Variants in SUPT3H observed in about 807,000 individuals in gnomAD.
SUPT3H encodes SPT3 homolog, SAGA and STAGA complex component.
In SUPT3H, 44 loss-of-function variants were observed where a neutral mutation model predicts 44.3. The ratio of observed to expected loss-of-function variants is 0.99; its 90% CI spans 0.78 to 1.28. SUPT3H has a LOEUF of 1.28. SUPT3H is among the 50% of genes most tolerant of loss of function. SUPT3H has a pLI of 0.00. For synonymous variants in SUPT3H, 124 were observed against 125.6 expected, an observed-to-expected ratio of 0.99 and a Z score of 0.09; for missense variants, 380 against 387.1, an observed-to-expected ratio of 0.98 and a Z score of 0.15.
Position 45,090,656 on chromosome 6 carries a change from AC to A in SUPT3H, c.186+15265del, listed in dbSNP as rs1797020138. ...TACTAAATATAATGTACTCATTGAAACCGTATTCTTATCAGTGAAATCAAAT... is the reference window on the plus strand; with the variant it reads ...TACTAAATATAATGTACTCATTGAAACGTATTCTTATCAGTGAAATCAAAT... On this transcript the variant is annotated intron_variant, in intron 3 of 10. Coordinates refer to ENST00000371459, the MANE Select transcript of SUPT3H (RefSeq NM_003599.4). 4.6e-5 allele frequency among the ~76,000 whole-genome samples: 7 copies of A among 152,086 alleles called. No homozygotes were observed. In the South Asian group the frequency reaches 1.5e-3, roughly 32 times the overall value.
chr6:45,238,267 T>C (rs1157426244), intron 2 of SUPT3H, among the ~76,000 whole-genome samples: 3 of 152,206 alleles, frequency 2.0e-5, no homozygotes, highest in Non-Finnish European at 2.9e-5. Flanking sequence ...TTATAGCTCC[T>C]GACAAAATTC....
Position 44,987,255 on chromosome 6 carries a change from G to C in SUPT3H, c.504+16398C>G, listed in dbSNP as rs908278785. Among the ~76,000 whole-genome samples, 3 of 136,614 alleles carry C rather than the reference G, an allele frequency of 2.2e-5. No homozygotes were observed. In the South Asian group the frequency reaches 7.7e-4, roughly 35 times the overall value. The allele number at this position is 136,614 out of a possible 152,430, so 89.6% of individuals were successfully genotyped here. ...CCCATCTCCAAATACCATCACACTG[G>C]GCATTGGGAGTCAGGGCTTCAACAT... On this transcript the variant is annotated intron_variant, in intron 6 of 10. Transcript: ENST00000371459.
intron 3 of SUPT3H, among the ~76,000 whole-genome samples, chr6:45,077,720 A>C (rs949856432): frequency 1.3e-5 from 2 of 151,480 alleles, no homozygotes; most frequent in Non-Finnish European, 2.9e-5. Flanking sequence ...ATTTCTACTT[A>C]TAGTGTCACA....
intron 4 of SUPT3H, among the ~76,000 whole-genome samples, chr6:45,015,537 G>A (rs1201215547): frequency 2.0e-5 from 3 of 151,798 alleles, no homozygotes; most frequent in Non-Finnish European, 4.4e-5. Flanking sequence ...GTACACTTAG[G>A]CTACACTACA....
intron 2 of SUPT3H, among the ~76,000 whole-genome samples, chr6:45,134,730 A>C (rs1804006956): frequency 6.6e-6 from 1 of 152,212 alleles, no homozygotes; most frequent in Non-Finnish European, 1.5e-5. Context: ...GGAAAACAAC[A>C]TTAAGTCTTA....
chr6:45,117,470 T>TA (rs1229955213), intron 2 of SUPT3H, among the ~76,000 whole-genome samples: 1 of 152,146 alleles, frequency 6.6e-6, no homozygotes, highest in African/African-American at 2.4e-5. Flanking sequence ...TCCAAAATTT[T>TA]TCTTGAGATT....
At chr6:45,108,859 A>G (rs1252352599) in intron 2 of SUPT3H, among the ~76,000 whole-genome samples, 8 of 152,128 alleles carry the variant, frequency 5.3e-5, no homozygotes, top group Non-Finnish European at 1.5e-5. Flanking sequence ...CTAAAACTAT[A>G]AAAGTATTGG....
chr6:45,278,860 T>A (rs1227303817), intron 2 of SUPT3H, among the ~76,000 whole-genome samples: 2 of 152,064 alleles, frequency 1.3e-5, no homozygotes, highest in Non-Finnish European at 2.9e-5. Context: ...TATTCATGAA[T>A]AAGACAATAA....
At chr6:45,312,178 A>T (rs903290532) in intron 2 of SUPT3H, among the ~76,000 whole-genome samples, 2 of 152,268 alleles carry the variant, frequency 1.3e-5, no homozygotes, top group African/African-American at 4.8e-5. Flanking sequence ...AGCAATTCTT[A>T]TATCAGACAA....
intron 2 of SUPT3H, among the ~76,000 whole-genome samples, chr6:45,231,440 G>A (rs955638028): frequency 2.0e-5 from 3 of 152,138 alleles, no homozygotes; most frequent in Admixed American, 2.0e-4. Flanking sequence ...TGACCTGTAA[G>A]GTTTCTACTG....
chr6:44,860,786 C>T (rs187561146), intron 10 of SUPT3H, among the ~76,000 whole-genome samples: 45 of 152,140 alleles, frequency 3.0e-4, no homozygotes, highest in Non-Finnish European at 5.9e-5. Context: ...GGACTAGAAA[C>T]CAATTCTAAA....
chr6:44,865,854 G>A (rs1223469546), intron 10 of SUPT3H, among the ~76,000 whole-genome samples: 1 of 152,092 alleles, frequency 6.6e-6, no homozygotes, highest in African/African-American at 2.4e-5. Flanking sequence ...CTGTAAAAGG[G>A]CAGTAACAAT....
At chr6:45,018,514 A>T (rs1294846827) in intron 4 of SUPT3H, among the ~76,000 whole-genome samples, 2 of 152,154 alleles carry the variant, frequency 1.3e-5, no homozygotes, top group Non-Finnish European at 2.9e-5. Flanking sequence ...ATTTTGAGAT[A>T]TGTCCCATTA....
intron 2 of SUPT3H, among the ~76,000 whole-genome samples, chr6:45,343,082 C>T (rs1367524040): frequency 6.6e-6 from 1 of 152,202 alleles, no homozygotes; most frequent in Non-Finnish European, 1.5e-5. Flanking sequence ...AGTGTCTACA[C>T]TGATCTGACA....
At chr6:44,839,902 G>T (rs551009828) in intron 10 of SUPT3H, among the ~76,000 whole-genome samples, 2 of 149,162 alleles carry the variant, frequency 1.3e-5, no homozygotes, top group East Asian at 2.0e-4. Flanking sequence ...GGGTTTCACC[G>T]TGTTAGCCAG....
intron 2 of SUPT3H, chr6:45,328,827 T>C (rs767685070): frequency 1.3e-6 from 2 of 1,585,054 alleles, no homozygotes; most frequent in Non-Finnish European, 1.7e-6. Context: ...TATGAACCTG[T>C]TAAACATAAA....
chr6:45,068,406 A>T (rs1245271805), intron 3 of SUPT3H, among the ~76,000 whole-genome samples: 6 of 149,652 alleles, frequency 4.0e-5, no homozygotes, highest in African/African-American at 1.2e-4. Context: ...TGGCACATGT[A>T]TACATATGTA....
intron 10 of SUPT3H, among the ~76,000 whole-genome samples, chr6:44,839,935 C>T (rs1164037525): frequency 1.3e-5 from 2 of 152,136 alleles, no homozygotes; most frequent in Admixed American, 6.5e-5. Context: ...CTCCTGACCT[C>T]GTGATCCGCC....
rs60637782 is a variant in SUPT3H at position 44,895,254 on chromosome 6, GTTT to G, written c.912+37396_912+37398del. Among the ~76,000 whole-genome samples, 470 of 119,320 alleles carry G rather than the reference GTTT, an allele frequency of 3.9e-3. 2 individuals are homozygous for G. The highest frequency in any genetic ancestry group is 8.0e-3 in the African/African-American group (260 of 32,524). The allele number at this position is 119,320 out of a possible 152,430, so 78.3% of individuals were successfully genotyped here. On this transcript the variant is annotated intron_variant, in intron 10 of 10. Coordinates refer to ENST00000371459, the MANE Select transcript of SUPT3H (RefSeq NM_003599.4). ...GATTTGTTTGTCATCACTTAGTCTT[GTTT>G]TTTTTTTTTTTTTTTTTTAAGAGAC...
Sources: gnomAD v4.1 joint callset for allele counts (sites outside exome capture counted in the v4.1 genomes callset) on GRCh38, gnomAD v4.1.1 for gene constraint, MANE v1.5 for transcripts, NCBI Gene and HGNC (gene_info 2026-07-23, HGNC 2026-07-21) for gene names.